Variants in SCFD2 observed in about 807,000 individuals in gnomAD.
The protein encoded by SCFD2 is sec1 family domain containing 2.
Under a neutral mutation model 58.9 loss-of-function variants are expected in SCFD2, and 54 were observed. That is an observed-to-expected ratio of 0.92 (90% CI 0.74 to 1.15). The LOEUF (loss-of-function observed/expected upper bound fraction) is 1.15. Ranked by LOEUF, SCFD2 falls within the 50% of genes most tolerant of loss-of-function variation. SCFD2 has a pLI of 0.00. For missense variants in SCFD2, 805 were observed against 836.6 expected (o/e 0.96, Z 0.47); for synonymous variants, 321 against 335.9 (o/e 0.96, Z 0.49).
intron 4 of SCFD2, among the ~76,000 whole-genome samples, chr4:53,195,920 C>G (rs760494647): frequency 6.6e-6 from 1 of 152,130 alleles, no homozygotes; most frequent in African/African-American, 2.4e-5. Flanking sequence ...AAATAAATAG[C>G]TACTCTAATC....
At chr4:53,029,759 G>T (rs1722569536) in intron 5 of SCFD2, among the ~76,000 whole-genome samples, 1 of 152,170 alleles carries the variant, frequency 6.6e-6, no homozygotes, top group East Asian at 1.9e-4. Flanking sequence ...AAATGGTACT[G>T]CAACTACCAT....
intron 7 of SCFD2, among the ~76,000 whole-genome samples, chr4:52,902,340 G>T (rs1418267720): frequency 6.6e-6 from 1 of 152,186 alleles, no homozygotes; most frequent in African/African-American, 2.4e-5. Flanking sequence ...GGAAAAACAC[G>T]TCACTGCCTT....
intron 5 of SCFD2, among the ~76,000 whole-genome samples, chr4:52,924,895 T>C (rs1719827092): frequency 6.6e-6 from 1 of 152,198 alleles, no homozygotes. Context: ...TGCAGCTCAT[T>C]CCAAATATAT....
chr4:53,156,995 G>A (rs1327334623), intron 4 of SCFD2, among the ~76,000 whole-genome samples: 3 of 152,184 alleles, frequency 2.0e-5, no homozygotes, highest in Non-Finnish European at 2.9e-5. Flanking sequence ...TGAACGAAGT[G>A]AGCCTGTTCC....
intron 2 of SCFD2, among the ~76,000 whole-genome samples, chr4:53,350,795 C>T (rs1315376660): frequency 2.0e-5 from 3 of 152,174 alleles, no homozygotes; most frequent in Non-Finnish European, 4.4e-5. Context: ...CTGCAACCTC[C>T]TCCTCCCAGG....
intron 5 of SCFD2, among the ~76,000 whole-genome samples, chr4:53,074,706 T>A (rs1723919982): frequency 6.6e-6 from 1 of 152,100 alleles, no homozygotes. Flanking sequence ...GCATTGTTAA[T>A]AAGCAGAAAA....
chr4:53,107,083 A>C lies in SCFD2; in HGVS notation c.1561+38250T>G, dbSNP rs571251812. Among the ~76,000 whole-genome samples the C allele has an allele frequency of 2.6e-4, 39 of 152,302 alleles. 1 individual carries two copies. The highest frequency in any genetic ancestry group is 2.1e-3 in the Admixed American group (32 of 15,296). ...TGGGGGCCAATATTCAACATTCTTA[A>C]AGAAAAGAATTTTCAACCCAGAATT... On this transcript the variant is annotated intron_variant, in intron 5 of 8. Transcript: ENST00000401642.
At chr4:53,193,366 G>C (rs1302150364) in intron 4 of SCFD2, among the ~76,000 whole-genome samples, 4 of 152,134 alleles carry the variant, frequency 2.6e-5, no homozygotes, top group Admixed American at 1.3e-4. Flanking sequence ...AAAGAAACAG[G>C]TCTACAGAAT....
chr4:53,016,712 T>C (rs1722222038), intron 5 of SCFD2, among the ~76,000 whole-genome samples: 1 of 152,248 alleles, frequency 6.6e-6, no homozygotes, highest in Non-Finnish European at 1.5e-5. Context: ...TTAGAACATT[T>C]AGTTTTAACT....
At chr4:53,079,651 A>G (rs937245997) in intron 5 of SCFD2, among the ~76,000 whole-genome samples, 1 of 152,216 alleles carries the variant, frequency 6.6e-6, no homozygotes, top group Non-Finnish European at 1.5e-5. Context: ...TGGCTGTCCA[A>G]ACTAAAAAGT....
chr4:53,216,004 C>T (rs1728817012), intron 4 of SCFD2, among the ~76,000 whole-genome samples: 1 of 152,140 alleles, frequency 6.6e-6, no homozygotes, highest in Admixed American at 6.6e-5. Context: ...CCCACTTGAT[C>T]ATGGTGGATA....
At chr4:53,046,053 T>G (rs1192573780) in intron 5 of SCFD2, among the ~76,000 whole-genome samples, 2 of 152,104 alleles carry the variant, frequency 1.3e-5, no homozygotes, top group Non-Finnish European at 2.9e-5. Flanking sequence ...GCTATGAAGG[T>G]GCAGAAGTGG....
intron 5 of SCFD2, among the ~76,000 whole-genome samples, chr4:53,112,260 A>C (rs1411973223): frequency 1.3e-5 from 2 of 152,146 alleles, no homozygotes; most frequent in Non-Finnish European, 2.9e-5. Context: ...GAGTTTTTTG[A>C]GGAAGGAATC....
chr4:53,049,641 G>A (rs1250728935), intron 5 of SCFD2, among the ~76,000 whole-genome samples: 4 of 152,210 alleles, frequency 2.6e-5, no homozygotes, highest in African/African-American at 7.2e-5. Flanking sequence ...ATGTTAAAGA[G>A]TGAGCAGAAA....
At chr4:53,243,587 C>A (rs1460871835) in intron 4 of SCFD2, among the ~76,000 whole-genome samples, 1 of 151,954 alleles carries the variant, frequency 6.6e-6, no homozygotes, top group Non-Finnish European at 1.5e-5. Context: ...GGCATAATGA[C>A]CACTTATCAA....
intron 2 of SCFD2, among the ~76,000 whole-genome samples, chr4:53,343,043 G>A (rs6824132): frequency 0.45 from 68,274 of 151,260 alleles, 17,037 homozygotes; most frequent in Non-Finnish European, 0.55. Context: ...ATCACAATTA[G>A]AAGAACTAGA....
rs144769240 is a variant in SCFD2 at position 53,183,174 on chromosome 4, A to T, written c.1312-37592T>A. Among the ~76,000 whole-genome samples, 607 of 152,360 alleles carry T rather than the reference A, an allele frequency of 4.0e-3. 2 individuals carry two copies. Among genetic ancestry groups the T allele is most frequent in the African/African-American group, 0.014 (573 of 41,582 alleles). ...TGGGTATATACCGAAAGGATTATAA[A>T]TCATGCTGCTATAAAGACACACGCA... On this transcript the variant is annotated intron_variant, in intron 4 of 8. Coordinates refer to ENST00000401642, the MANE Select transcript of SCFD2 (RefSeq NM_152540.4).
chr4:53,096,543 T>G (rs1724641529), intron 5 of SCFD2, among the ~76,000 whole-genome samples: 1 of 152,050 alleles, frequency 6.6e-6, no homozygotes, highest in South Asian at 2.1e-4. Flanking sequence ...TTCATATCCT[T>G]TGCCCACTTT....
intron 4 of SCFD2, among the ~76,000 whole-genome samples, chr4:53,256,915 AG>A (rs1460287374): frequency 2.7e-3 from 11 of 4,068 alleles, no homozygotes; most frequent in African/African-American, 0.011. Context: ...GGGGACGGGG[AG>A]GGGGAGGGGG....
Sources: allele counts gnomAD v4.1 joint callset (sites outside exome capture counted in the v4.1 genomes callset), GRCh38; gene constraint gnomAD v4.1.1; transcripts MANE v1.5; gene names NCBI Gene and HGNC (gene_info 2026-07-23, HGNC 2026-07-21).